MARCHF1: variants seen among roughly 807,000 people sequenced by gnomAD.
MARCHF1 encodes the protein E3 ubiquitin-protein ligase MARCHF1.
A neutral mutation model predicts 54.2 loss-of-function variants in MARCHF1; 40 were observed. The ratio of observed to expected loss-of-function variants is 0.74; its 90% CI spans 0.57 to 0.96. MARCHF1 has a LOEUF of 0.96. MARCHF1 is among the 40% of genes least tolerant of loss of function. MARCHF1 has a pLI of 0.00. For missense variants in MARCHF1, 586 were observed against 656.5 expected, an observed-to-expected ratio of 0.89 and a Z score of 1.17; for synonymous variants, 236 against 236.3, an observed-to-expected ratio of 1.00 and a Z score of 0.01.
chr4:163,634,771 C>A (rs1034731276), intron 5 of MARCHF1, among the ~76,000 whole-genome samples: 2 of 143,564 alleles, frequency 1.4e-5, no homozygotes, highest in African/African-American at 5.4e-5. Context: ...CAGAAGTCTC[C>A]ACCCCAAATC....
chr4:164,077,512 A>C (rs1321657086), intron 2 of MARCHF1, among the ~76,000 whole-genome samples: 2 of 152,220 alleles, frequency 1.3e-5, no homozygotes, highest in African/African-American at 4.8e-5. Context: ...ATGGCAACAA[A>C]AGCCAAAGTG....
chr4:163,916,478 T>C (rs1751310595), intron 3 of MARCHF1, among the ~76,000 whole-genome samples: 1 of 95,304 alleles, frequency 1.0e-5, no homozygotes, highest in Non-Finnish European at 2.0e-5. Flanking sequence ...AAGGCACAAG[T>C]AGAAAGGATT....
At chr4:163,858,290 TAA>T (rs1749825110) in intron 3 of MARCHF1, among the ~76,000 whole-genome samples, 2 of 152,224 alleles carry the variant, frequency 1.3e-5, no homozygotes, top group African/African-American at 4.8e-5. Flanking sequence ...TAATGTAATT[TAA>T]TCTTAAACGC....
intron 5 of MARCHF1, among the ~76,000 whole-genome samples, chr4:163,641,838 G>A (rs1742564932): frequency 6.6e-6 from 1 of 152,138 alleles, no homozygotes; most frequent in Admixed American, 6.6e-5. Context: ...TGGCTTATCT[G>A]CGTTGGAGTT....
chr4:163,684,838 C>T (rs1208880534), intron 5 of MARCHF1, among the ~76,000 whole-genome samples: 2 of 152,160 alleles, frequency 1.3e-5, no homozygotes, highest in African/African-American at 4.8e-5. Flanking sequence ...ATCAGTATAT[C>T]CAACATCCAC....
At chr4:163,594,704 G>A (rs1740702123) in intron 7 of MARCHF1, among the ~76,000 whole-genome samples, 1 of 150,846 alleles carries the variant, frequency 6.6e-6, no homozygotes, top group Non-Finnish European at 1.5e-5. Flanking sequence ...ATGCAAATCA[G>A]AGTCACAGTG....
In MARCHF1 at chr4:164,034,068, C is replaced by CAGAT. The variant is rs199977044; in HGVS notation, c.-247-45363_-247-45360dup. ...GACTGGATAAAGAAAATGTGATAGA[C>CAGAT]AGATAGATAGATAGATAGATAGATA... On this transcript the variant is annotated intron_variant, in intron 2 of 9. Coordinates refer to ENST00000514618, the MANE Select transcript of MARCHF1 (RefSeq NM_001394959.1). Among the ~76,000 whole-genome samples the CAGAT allele has an allele frequency of 3.9e-3, 428 of 110,144 alleles. 2 individuals are homozygous for CAGAT. The highest frequency in any genetic ancestry group is 0.015 in the East Asian group (65 of 4,218). The allele number at this position is 110,144 out of a possible 152,430, so 72.3% of individuals were successfully genotyped here.
chr4:164,097,586 T>C (rs975957988), intron 2 of MARCHF1, among the ~76,000 whole-genome samples: 3 of 152,184 alleles, frequency 2.0e-5, no homozygotes, highest in African/African-American at 7.2e-5. Flanking sequence ...TGTTTCAATA[T>C]AATTGATTGC....
chr4:163,946,257 C>T (rs547933605), intron 3 of MARCHF1, among the ~76,000 whole-genome samples: 1 of 151,976 alleles, frequency 6.6e-6, no homozygotes, highest in Non-Finnish European at 1.5e-5. Context: ...CTTTACACTC[C>T]AGGGTTTTGT....
In MARCHF1 at chr4:163,748,057, T is replaced by C. The variant is rs370655693; in HGVS notation, c.112-47194A>G. On this transcript the variant is annotated intron_variant, in intron 4 of 9. Coordinates refer to ENST00000514618, the MANE Select transcript of MARCHF1 (RefSeq NM_001394959.1). ...CCCCTTTCAGGGAAAGTCATGTGCC[T>C]GGATGGTCAAAGGTCATTTCCTGGT... 7.9e-5 allele frequency among the ~76,000 whole-genome samples: 12 copies of C among 152,342 alleles called. No homozygotes were observed. In the East Asian group the frequency reaches 1.2e-3, roughly 15 times the overall value.
intron 3 of MARCHF1, among the ~76,000 whole-genome samples, chr4:163,870,374 A>C (rs1750143774): frequency 6.6e-6 from 1 of 152,174 alleles, no homozygotes; most frequent in Admixed American, 6.5e-5. Flanking sequence ...AATACATTTA[A>C]GATATGGACA....
intron 3 of MARCHF1, chr4:163,932,956 G>T: frequency 1.4e-6 from 1 of 694,698 alleles, no homozygotes; most frequent in Non-Finnish European, 2.7e-6. Flanking sequence ...AATTCCCAAG[G>T]AGCTTACCAA....
chr4:163,713,303 A>G (rs1488649983), intron 4 of MARCHF1, among the ~76,000 whole-genome samples: 2 of 152,146 alleles, frequency 1.3e-5, no homozygotes, highest in African/African-American at 2.4e-5. Flanking sequence ...ATGTCACTAG[A>G]GAATTATTAC....
At chr4:164,268,452 G>C (rs1207790896) in intron 1 of MARCHF1, among the ~76,000 whole-genome samples, 2 of 152,162 alleles carry the variant, frequency 1.3e-5, no homozygotes, top group Non-Finnish European at 2.9e-5. Flanking sequence ...ATGGCTTGCA[G>C]AATTCTTTAT....
chr4:164,356,944 G>A (rs1389696971), intron 1 of MARCHF1, among the ~76,000 whole-genome samples: 1 of 151,776 alleles, frequency 6.6e-6, no homozygotes, highest in Non-Finnish European at 1.5e-5. Context: ...AGACACTGGG[G>A]CCTACTTGTC....
rs187052568 is a variant in MARCHF1, at chr4:163,861,996, G to C, written c.-38-7827C>G. 1.4e-3 allele frequency among the ~76,000 whole-genome samples: 219 copies of C among 152,084 alleles called. 1 individual carries two copies. Among genetic ancestry groups the C allele is most frequent in the African/African-American group, 5.1e-3 (211 of 41,528 alleles). ...CTAATCTTTTCAGTCAATGGTTCTG[G>C]AACAATTGGACATTCATATGCAAAA... is the stretch of plus-strand genomic sequence containing the variant. On this transcript the variant is annotated intron_variant, in intron 3 of 9. Coordinates refer to ENST00000514618, the MANE Select transcript of MARCHF1 (RefSeq NM_001394959.1).
chr4:164,380,892 C>T (rs141419945), intron 1 of MARCHF1, among the ~76,000 whole-genome samples: 56 of 152,280 alleles, frequency 3.7e-4, no homozygotes, highest in African/African-American at 1.3e-3. Context: ...TTGAATTACA[C>T]CATGAAAAAG....
intron 2 of MARCHF1, among the ~76,000 whole-genome samples, chr4:164,008,005 A>G: frequency 6.6e-6 from 1 of 152,134 alleles, no homozygotes; most frequent in African/African-American, 2.4e-5. Context: ...GAATGTAAAT[A>G]GTCTCAATTC....
intron 1 of MARCHF1, among the ~76,000 whole-genome samples, chr4:164,238,319 A>G (rs1042865835): frequency 6.6e-6 from 1 of 152,038 alleles, no homozygotes; most frequent in East Asian, 1.9e-4. Flanking sequence ...TCTACAGAGA[A>G]AAAACAATAG....
Sources: allele counts gnomAD v4.1 joint callset (sites outside exome capture counted in the v4.1 genomes callset), GRCh38; gene constraint gnomAD v4.1.1; transcripts MANE v1.5; gene names NCBI Gene and HGNC (gene_info 2026-07-23, HGNC 2026-07-21).